ITGA2: variants seen among roughly 807,000 people sequenced by gnomAD.
The protein encoded by ITGA2 is integrin alpha-2.
ITGA2 carries 101 observed loss-of-function variants against 146.3 expected under a neutral mutation model. That is an observed-to-expected ratio of 0.69 (90% CI 0.59 to 0.81). The LOEUF is 0.81. ITGA2 is among the 40% of genes least tolerant of loss of function. The pLI, the probability that ITGA2 is intolerant of heterozygous loss-of-function variation, is 0.00. For synonymous variants in ITGA2, 477 were observed against 487.1 expected, an observed-to-expected ratio of 0.98 and a Z score of 0.27; for missense variants, 1,281 against 1,402.7, an observed-to-expected ratio of 0.91 and a Z score of 1.39.
intron 4 of ITGA2, among the ~76,000 whole-genome samples, chr5:53,046,930 A>T (rs3212472): frequency 0.31 from 47,592 of 151,906 alleles, 7,529 homozygotes; most frequent in Admixed American, 0.38. Context: ...ACAAAAAAAA[A>T]TTTTGAATAC....
intron 7 of ITGA2, among the ~76,000 whole-genome samples, chr5:53,052,773 C>T (rs1014756552): frequency 3.6e-4 from 55 of 152,232 alleles, no homozygotes; most frequent in African/African-American, 1.3e-3. Flanking sequence ...ATTCTTTTGC[C>T]TCTTCACTAG....
At chr5:53,065,192 C>T (rs1309232291) in intron 14 of ITGA2, 77 bp downstream of exon 14, 1 of 1,379,826 alleles carries the variant, frequency 7.2e-7, no homozygotes, top group African/African-American at 1.4e-5. Flanking sequence ...TCATGTAAAC[C>T]ATGCAATCCG....
chr5:53,013,277 T>C (rs1364092811), intron 1 of ITGA2, among the ~76,000 whole-genome samples: 1 of 152,098 alleles, frequency 6.6e-6, no homozygotes, highest in East Asian at 1.9e-4. Flanking sequence ...TTTTTGTGTA[T>C]GGTGTAAGGA....
chr5:53,073,260 G>A lies in ITGA2; in HGVS notation c.2571+1G>A. On this transcript the variant is annotated splice_donor_variant, in intron 20 of 29. Coordinates refer to ENST00000296585, the MANE Select transcript of ITGA2 (RefSeq NM_002203.4). LOFTEE classifies it high-confidence loss of function. ...GTTTTTTGCATCATTCTCCCTGCCG[G>A]TATGTGATGAGACCCTGTACTTACT... 6.2e-7 allele frequency: 1 copy of A among 1,612,034 alleles called. No homozygotes were observed. The highest frequency in any genetic ancestry group is 8.5e-7 in the Non-Finnish European group (1 of 1,178,570).
Position 52,989,387 on chromosome 5 carries a change from G to A in ITGA2, c.-82G>A, listed in dbSNP as rs1236866026. On this transcript the variant is annotated 5_prime_UTR_variant, in exon 1 of 30. Coordinates refer to ENST00000296585, the MANE Select transcript of ITGA2 (RefSeq NM_002203.4). ...TCTGGACAGCTTCTAGAGTGTGCAG[G>A]TTCTCGTATCCCTCGGCCAAGGGTA... 3.6e-5 allele frequency: 51 copies of A among 1,426,040 alleles called. No homozygotes were observed. The highest frequency in any genetic ancestry group is 3.2e-5 in the Non-Finnish European group (32 of 1,009,684). The allele number at this position is 1,426,040 out of a possible 1,614,324, so 88.3% of individuals were successfully genotyped here. A position where few individuals can be genotyped will look rare whatever the true frequency, so the allele number is the denominator to read the frequency against.
chr5:53,022,165 G>T (rs541439656), intron 1 of ITGA2, among the ~76,000 whole-genome samples: 1 of 151,788 alleles, frequency 6.6e-6, no homozygotes, highest in East Asian at 1.9e-4. Flanking sequence ...CATTATTTAC[G>T]CTCTTGTTGT....
chr5:53,013,675 A>G (rs1339460248), intron 1 of ITGA2, among the ~76,000 whole-genome samples: 1 of 152,148 alleles, frequency 6.6e-6, no homozygotes, highest in Non-Finnish European at 1.5e-5. Context: ...AATAGCATTG[A>G]ATCTATAAAT....
chr5:53,004,015 T>C (rs991657763), intron 1 of ITGA2, among the ~76,000 whole-genome samples: 2 of 152,064 alleles, frequency 1.3e-5, no homozygotes, highest in Non-Finnish European at 2.9e-5. Flanking sequence ...TAATTTTTTT[T>C]GAAGTAGTAA....
chr5:53,004,779 G>T (rs1741743886), intron 1 of ITGA2, among the ~76,000 whole-genome samples: 1 of 151,262 alleles, frequency 6.6e-6, no homozygotes, highest in African/African-American at 2.4e-5. Context: ...TTTGGTTTTT[G>T]CTCTAATGTT....
At chr5:53,053,177 T>C (rs540149234) in intron 7 of ITGA2, among the ~76,000 whole-genome samples, 13 of 152,320 alleles carry the variant, frequency 8.5e-5, no homozygotes, top group African/African-American at 2.9e-4. Context: ...TTTCTATTTC[T>C]GCATTTCCCA....
intron 1 of ITGA2, among the ~76,000 whole-genome samples, chr5:52,993,965 G>A (rs1453974112): frequency 1.3e-5 from 2 of 152,138 alleles, no homozygotes; most frequent in East Asian, 3.9e-4. Context: ...CAGTTGTTCA[G>A]TGACCAATCA....
At chr5:53,039,739 C>CAAAAA (rs1175067104) in intron 2 of ITGA2, among the ~76,000 whole-genome samples, 21 of 33,198 alleles carry the variant, frequency 6.3e-4, no homozygotes, top group South Asian at 1.5e-3. Context: ...GACTCCATCT[C>CAAAAA]AAAAAAAAAA....
intron 20 of ITGA2, 106 bp downstream of exon 20, chr5:53,073,365 A>T (rs538177090): frequency 1.7e-6 from 2 of 1,203,370 alleles, no homozygotes; most frequent in East Asian, 4.7e-5. Context: ...AACCCTCAAC[A>T]TGATCAATCT....
rs2287871 is a variant in ITGA2 at position 53,071,876 on chromosome 5, T to G, written c.2236-62T>G. ...TTGGAATCATTTTCTTGTTTTAATG[T>G]TGCTATGCTCTAATAAACTGACTCT... On this transcript the variant is annotated intron_variant, in intron 17 of 29. Coordinates refer to ENST00000296585, the MANE Select transcript of ITGA2 (RefSeq NM_002203.4). 1,353 of 1,154,418 alleles carry G rather than the reference T, an allele frequency of 1.2e-3. 6 individuals carry two copies. Among genetic ancestry groups the G allele is most frequent in the Middle Eastern group, 8.3e-3 (43 of 5,188 alleles). 71.5% of individuals were successfully genotyped at this position (1,154,418 alleles called of 1,614,324 possible).
At chr5:53,036,799 A>G (rs1369074447) in intron 2 of ITGA2, among the ~76,000 whole-genome samples, 10 of 152,124 alleles carry the variant, frequency 6.6e-5, no homozygotes, top group Admixed American at 2.0e-4. Context: ...AGTACCTAGA[A>G]TGAGGTCTGG....
intron 1 of ITGA2, chr5:52,990,180 C>T (rs26681): frequency 0.61 from 93,573 of 153,510 alleles, 28,805 homozygotes; most frequent in South Asian, 0.73. Flanking sequence ...TCTTCCTTCC[C>T]TTCTGCCTTC....
intron 1 of ITGA2, among the ~76,000 whole-genome samples, chr5:53,002,617 T>C (rs1187673855): frequency 6.6e-6 from 1 of 152,208 alleles, no homozygotes; most frequent in Non-Finnish European, 1.5e-5. Flanking sequence ...TTTAGGTTGT[T>C]TCCTGTGGGA....
At position 53,083,460 on chromosome 5, in the gene ITGA2, A is replaced by G. The variant is rs1425986846; in HGVS notation, c.3258+7A>G. The G allele has an allele frequency of 2.1e-6, 3 of 1,455,436 alleles. No homozygotes were observed. The African/African-American group carries it at 4.2e-5, about 20-fold the overall frequency. 90.2% of individuals were successfully genotyped at this position (1,455,436 alleles called of 1,614,324 possible). On this transcript the variant is annotated splice_region_variant and intron_variant, in intron 27 of 29. Coordinates refer to ENST00000296585, the MANE Select transcript of ITGA2 (RefSeq NM_002203.4). ...GAACGGGACTTTCGCATCAGTAAGT[A>G]TCAGTTTTATTTGTTAGATTTATCA...
At chr5:53,067,311 G>T in intron 16 of ITGA2, 54 bp downstream of exon 16, 7 of 1,597,502 alleles carry the variant, frequency 4.4e-6, no homozygotes, top group Non-Finnish European at 6.0e-6. Flanking sequence ...CAGAGTTTTA[G>T]TCCTGAATAT....
Sources: gnomAD v4.1 joint callset for allele counts (sites outside exome capture counted in the v4.1 genomes callset) on GRCh38, gnomAD v4.1.1 for gene constraint, MANE v1.5 for transcripts, NCBI Gene and HGNC (gene_info 2026-07-23, HGNC 2026-07-21) for gene names.